SLCO3A1: variants seen among roughly 807,000 people sequenced by gnomAD.
SLCO3A1 encodes PGE1 transporter.
Under a neutral mutation model 63.1 loss-of-function variants are expected in SLCO3A1, and 27 were observed. The ratio of observed to expected loss-of-function variants is 0.43; its 90% confidence interval spans 0.32 to 0.59. SLCO3A1 has a LOEUF of 0.59. Ranked by LOEUF, SLCO3A1 falls within the 20% of genes least tolerant of loss-of-function variation. The pLI is 0.09. For synonymous variants in SLCO3A1, 473 were observed against 409.9 expected, an observed-to-expected ratio of 1.15 and a Z score of -1.86; for missense variants, 773 against 945.8, an observed-to-expected ratio of 0.82 and a Z score of 2.40.
Position 92,094,928 on chromosome 15 carries a change from C to A in SLCO3A1, c.694C>A (p.Leu232Met). Residue 232 changes from leucine to methionine, a missense_variant, in exon 3 of 10, where the codon CTG becomes ATG. Physicochemically the swap from Leu to Met is conservative, Grantham distance 15. Around this residue, in one of 3 missense-constraint regions of SLCO3A1, gnomAD observed 565 missense variants for 749.8 expected, o/e 0.75. Transcript: ENST00000318445. Reference sequence around the variant, plus strand: ...ATTTGGACCAGCCTGCGGGTTTATCCTGGGCTCTTTCTGTACCAAAATCTA... The same window carrying A: ...ATTTGGACCAGCCTGCGGGTTTATCATGGGCTCTTTCTGTACCAAAATCTA... ...LVFGPACGFI[L>M]GSFCTKIYVD... The A allele has an allele frequency of 6.2e-7, 1 of 1,613,962 alleles. No individual in the cohort carries two copies. Among genetic ancestry groups the A allele is most frequent in the Non-Finnish European group, 8.5e-7 (1 of 1,179,818 alleles).
intron 1 of SLCO3A1, among the ~76,000 whole-genome samples, chr15:91,905,554 G>A (rs1239975497): frequency 6.6e-6 from 1 of 150,430 alleles, no homozygotes; most frequent in Non-Finnish European, 1.5e-5. Context: ...TTGGATCCAT[G>A]GTCGATCGAA....
intron 2 of SLCO3A1, among the ~76,000 whole-genome samples, chr15:91,930,671 A>C (rs917784995): frequency 1.3e-5 from 2 of 152,242 alleles, no homozygotes; most frequent in African/African-American, 4.8e-5. Context: ...CTGGGGATAC[A>C]TGGATGAATC....
In SLCO3A1 at chr15:92,163,620, C is replaced by T; in HGVS notation, c.*485C>T. ...TAAGCACTAGTGACACACCCCGTGC[C>T]ACCCTCTTCCTCCAGGTGGGGGTGG... On this transcript the variant is annotated 3_prime_UTR_variant, in exon 10 of 10. Transcript: ENST00000318445. 1 of 984,906 alleles carries T rather than the reference C, an allele frequency of 1.0e-6. No homozygotes were observed. The highest frequency in any genetic ancestry group is 1.2e-6 in the Non-Finnish European group (1 of 829,844). The allele number at this position is 984,906 out of a possible 1,614,324, so 61.0% of individuals were successfully genotyped here.
Position 91,859,950 on chromosome 15 carries a change from G to T in SLCO3A1, c.180+5862G>T, listed in dbSNP as rs1897009097. Among the ~76,000 whole-genome samples the T allele has an allele frequency of 6.6e-6, 1 of 152,174 alleles. No homozygotes were observed. The highest frequency in any genetic ancestry group is 2.4e-5 in the African/African-American group (1 of 41,434). On this transcript the variant is annotated intron_variant, in intron 1 of 9. Coordinates refer to ENST00000318445, the MANE Select transcript of SLCO3A1 (RefSeq NM_013272.4). This position sits in a 1 kb window ranked among gnomAD's most constrained non-coding sequence, Gnocchi z 5.1. ...CTACATGGACATTTTTGTCTGGGAG[G>T]TAAAAAGTTTTTAAGGGCAAGTAAT...
intron 2 of SLCO3A1, among the ~76,000 whole-genome samples, chr15:92,032,279 C>T (rs1311606656): frequency 6.6e-6 from 1 of 151,952 alleles, no homozygotes; most frequent in Admixed American, 6.6e-5. Context: ...AGCAGTGGGG[C>T]CAGGTGTGAG....
intron 2 of SLCO3A1, among the ~76,000 whole-genome samples, chr15:92,065,347 C>T (rs554887136): frequency 1.3e-5 from 2 of 152,308 alleles, no homozygotes; most frequent in Admixed American, 1.3e-4. Flanking sequence ...CTCGGCCTCC[C>T]AAAATGCTGG....
chr15:92,023,423 T>C (rs184776523), intron 2 of SLCO3A1, among the ~76,000 whole-genome samples: 21 of 152,278 alleles, frequency 1.4e-4, no homozygotes, highest in African/African-American at 4.8e-4. Flanking sequence ...AGAAGAAAAC[T>C]GGAGCTTTCA....
rs562834370 is a variant in SLCO3A1, at chr15:91,875,116, A to G, written c.180+21028A>G. On this transcript the variant is annotated intron_variant, in intron 1 of 9. Coordinates refer to ENST00000318445, the MANE Select transcript of SLCO3A1 (RefSeq NM_013272.4). The surrounding 1 kb of genome is among the most constrained non-coding windows in gnomAD (Gnocchi z 4.5). ...GTCTGTGTTGGTGCCCTTTTAATAG[A>G]TGAGTCAGTTGCTGAAATTCTGAGT... 1.3e-5 allele frequency among the ~76,000 whole-genome samples: 2 copies of G among 152,328 alleles called. No individual in the cohort carries two copies. Among genetic ancestry groups the G allele is most frequent in the African/African-American group, 4.8e-5 (2 of 41,578 alleles).
chr15:91,998,937 C>A (rs1005316704), intron 2 of SLCO3A1, among the ~76,000 whole-genome samples: 1 of 152,224 alleles, frequency 6.6e-6, no homozygotes, highest in Non-Finnish European at 1.5e-5. Context: ...GCATATACAT[C>A]ATAGAATACC....
intron 9 of SLCO3A1, among the ~76,000 whole-genome samples, chr15:92,157,669 C>T (rs933641215): frequency 6.6e-6 from 1 of 152,056 alleles, no homozygotes; most frequent in Non-Finnish European, 1.5e-5. Context: ...TGAATCACAG[C>T]TTGAAAGGTT....
At chr15:92,006,417 C>T (rs973494045) in intron 2 of SLCO3A1, among the ~76,000 whole-genome samples, 24 of 152,194 alleles carry the variant, frequency 1.6e-4, no homozygotes, top group African/African-American at 5.8e-4. Flanking sequence ...TGAGTTAGTT[C>T]AAGAGCACAG....
intron 2 of SLCO3A1, among the ~76,000 whole-genome samples, chr15:91,962,479 C>CAAAAAAAA (rs35274991): frequency 2.4e-5 from 2 of 81,734 alleles, no homozygotes; most frequent in Non-Finnish European, 4.6e-5. Context: ...AACTCCGTCT[C>CAAAAAAAA]AAAAAAAAAA....
intron 2 of SLCO3A1, among the ~76,000 whole-genome samples, chr15:91,997,683 T>A (rs1457403125): frequency 6.6e-6 from 1 of 152,100 alleles, no homozygotes; most frequent in African/African-American, 2.4e-5. Context: ...TGGAGCAGAA[T>A]AGAGAACCAA....
chr15:92,018,118 A>T (rs2046462404), intron 2 of SLCO3A1, among the ~76,000 whole-genome samples: 1 of 152,174 alleles, frequency 6.6e-6, no homozygotes, highest in Non-Finnish European at 1.5e-5. Flanking sequence ...AGGGACTGAG[A>T]TGGATGGGCT....
Position 91,854,443 on chromosome 15 carries a change from A to C in SLCO3A1, c.180+355A>C. On this transcript the variant is annotated intron_variant, in intron 1 of 9. Coordinates refer to ENST00000318445, the MANE Select transcript of SLCO3A1 (RefSeq NM_013272.4). This position sits in a 1 kb window ranked among gnomAD's most constrained non-coding sequence, Gnocchi z 6.4. Reference sequence around the variant, plus strand: ...CAGGGTTCTCCTTGGAGAGGAACGAAAAAGCGTCGGGGTTTTCAGGTGACC... The same window carrying C: ...CAGGGTTCTCCTTGGAGAGGAACGACAAAGCGTCGGGGTTTTCAGGTGACC... The C allele has an allele frequency of 1.0e-6, 1 of 963,020 alleles. No individual in the cohort carries two copies. 59.7% of individuals were successfully genotyped at this position (963,020 alleles called of 1,614,324 possible).
intron 2 of SLCO3A1, among the ~76,000 whole-genome samples, chr15:92,088,224 T>C (rs2047429798): frequency 6.6e-6 from 1 of 152,174 alleles, no homozygotes; most frequent in Non-Finnish European, 1.5e-5. Context: ...GCGAACTTAC[T>C]GTCCATCAGC....
At chr15:92,002,685 C>T (rs542450457) in intron 2 of SLCO3A1, among the ~76,000 whole-genome samples, 1 of 152,154 alleles carries the variant, frequency 6.6e-6, no homozygotes, top group African/African-American at 2.4e-5. Flanking sequence ...TAGCAATTAT[C>T]TCTCAGGAAG....
rs1281034860 is a variant in SLCO3A1, at chr15:91,996,307, A to T, written c.646+79849A>T. Among the ~76,000 whole-genome samples, 3 of 152,192 alleles carry T rather than the reference A, an allele frequency of 2.0e-5. No homozygotes were observed. The East Asian group carries it at 5.8e-4, about 29-fold the overall frequency. On this transcript the variant is annotated intron_variant, in intron 2 of 9. Coordinates refer to ENST00000318445, the MANE Select transcript of SLCO3A1 (RefSeq NM_013272.4). ...TGACAAAGATAAGATCTTTATCAAG[A>T]ATATTATACAGCTCTATTGAAAAGC...
intron 2 of SLCO3A1, among the ~76,000 whole-genome samples, chr15:91,985,007 A>T (rs1567051818): frequency 6.6e-6 from 1 of 152,154 alleles, no homozygotes; most frequent in Non-Finnish European, 1.5e-5. Context: ...TTCATCTCAG[A>T]TCATAAGTGA....
Sources: gnomAD v4.1 joint callset for allele counts (sites outside exome capture counted in the v4.1 genomes callset) on GRCh38, gnomAD v4.1.1 for gene constraint, gnomAD v4.1.1 regional missense constraint, Gnocchi (gnomAD v3.1) non-coding constraint, MANE v1.5 for transcripts, NCBI Gene and HGNC (gene_info 2026-07-23, HGNC 2026-07-21) for gene names.